Variants in REN observed in about 807,000 individuals in gnomAD.
REN encodes renin.
REN carries 42 observed loss-of-function variants against 48.6 expected under a neutral mutation model. The observed-to-expected ratio is 0.86, with a 90% CI of 0.68 to 1.12. The LOEUF is 1.12. Among genes scored for constraint, REN ranks in the 50% most tolerant of loss-of-function variants. REN has a pLI of 0.00. For synonymous variants in REN, 196 were observed against 204.6 expected, an observed-to-expected ratio of 0.96 and a Z score of 0.36; for missense variants, 443 against 527.3, an observed-to-expected ratio of 0.84 and a Z score of 1.57.
chr1:204,161,411 TG>T lies in REN; in HGVS notation c.253del (p.Gln85SerfsTer86). On this transcript the variant is annotated frameshift_variant, in exon 3 of 10. Transcript: ENST00000272190. LOFTEE classifies it high-confidence loss of function. Reference sequence around the variant, plus strand: ...GCCGATGCCAATCTCGCCATAGTACTGGGTCTGTGGGGGTAAAAAGAGAGGG... The same window carrying T: ...GCCGATGCCAATCTCGCCATAGTACTGGTCTGTGGGGGTAAAAAGAGAGGG... ...SVILTNYMDT[Q>X]YYGEIGIGTP... 6.4e-7 allele frequency: 1 copy of T among 1,557,874 alleles called. No homozygotes were observed. Among genetic ancestry groups the T allele is most frequent in the Non-Finnish European group, 8.7e-7 (1 of 1,148,628 alleles).
chr1:204,155,707 C>A lies in REN; in HGVS notation c.1059+113G>T, dbSNP rs1658134361. 3 of 874,178 alleles carry A rather than the reference C, an allele frequency of 3.4e-6. No individual in the cohort carries two copies. The East Asian group carries it at 7.9e-5, about 23-fold the overall frequency. The allele number at this position is 874,178 out of a possible 1,614,324, so 54.2% of individuals were successfully genotyped here. ...AAAGCTCTCCAGGTGACATGCACAG[C>A]CAAGTTTGAGAACTACAGTTCTAAC... On this transcript the variant is annotated intron_variant, in intron 9 of 9. Transcript: ENST00000272190.
chr1:204,155,460 T>C (rs990628661), intron 9 of REN, among the ~76,000 whole-genome samples: 1 of 152,230 alleles, frequency 6.6e-6, no homozygotes, highest in Non-Finnish European at 1.5e-5. Context: ...AGACAAGTTA[T>C]TCAACTTCTC....
intron 9 of REN, 138 bp from the exon 10 acceptor site, chr1:204,155,315 C>G (rs994616922): frequency 1.1e-6 from 1 of 951,536 alleles, no homozygotes; most frequent in Non-Finnish European, 1.6e-6. Context: ...GGGCCTCCCT[C>G]ACATCATGGC....
Position 204,156,374 on chromosome 1 carries a change from G to A in REN, c.819-55C>T. ...CAGACAGACAGACAGAAGGCTGATG[G>A]GGCACCTCCAGGCTGCATGTCCTTC... On this transcript the variant is annotated intron_variant, in intron 7 of 9. Coordinates refer to ENST00000272190, the MANE Select transcript of REN (RefSeq NM_000537.4). This position sits in a 1 kb window ranked among gnomAD's most constrained non-coding sequence, Gnocchi z 4.2. 1 of 1,412,442 alleles carries A rather than the reference G, an allele frequency of 7.1e-7. No homozygotes were observed. The allele number at this position is 1,412,442 out of a possible 1,614,324, so 87.5% of individuals were successfully genotyped here.
intron 1 of REN, among the ~76,000 whole-genome samples, chr1:204,164,565 CTTTTTTTTTTTTTT>C (rs748060874): frequency 1.1e-5 from 1 of 93,714 alleles, no homozygotes; most frequent in Non-Finnish European, 1.9e-5. Flanking sequence ...CTTCTTCAGT[CTTTTTTTTTTTTTT>C]TTTTTTTTTT....
chr1:204,161,290 A>G lies in REN; in HGVS notation c.373+2T>C. 1 of 1,600,516 alleles carries G rather than the reference A, an allele frequency of 6.2e-7. No homozygotes were observed. On this transcript the variant is annotated splice_donor_variant, in intron 3 of 9. Coordinates refer to ENST00000272190, the MANE Select transcript of REN (RefSeq NM_000537.4). LOFTEE classifies it high-confidence loss of function. ...AGAGGCACTGTGGGTCTTAGGTCTC[A>G]CCACAGGCAGTGTAGAGACGGCTGC...
Position 204,159,474 on chromosome 1 carries a change from C to T in REN, c.614G>A (p.Arg205Lys), listed in dbSNP as rs1156882578. ...GMGFIEQAIG[R>K]VTPIFDNIIS... Reference sequence around the variant, plus strand: ...GATGTTGTCGAAGATAGGGGTGACCCTGCCAATGGCCTGTTCAATGAAGCC... The same window carrying T: ...GATGTTGTCGAAGATAGGGGTGACCTTGCCAATGGCCTGTTCAATGAAGCC... Residue 205 changes from arginine (R) to lysine (K), a missense_variant, in exon 5 of 10, where the codon AGG (arginine) becomes AAG (lysine). Physicochemically the swap from Arg to Lys is conservative, Grantham distance 26 (BLOSUM62 2). Transcript: ENST00000272190. The T allele has an allele frequency of 6.2e-7, 1 of 1,614,148 alleles. No homozygotes were observed. The highest frequency in any genetic ancestry group is 8.5e-7 in the Non-Finnish European group (1 of 1,180,032).
rs752391620 is a variant in REN at position 204,162,087 on chromosome 1, C to T, written c.175G>A (p.Glu59Lys). Residue 59 changes from glutamate (E) to lysine (K), a missense_variant, in exon 2 of 10, where the codon GAG (glutamate) becomes AAG (lysine). Glu to Lys is a moderately conservative substitution (Grantham distance 56). Transcript: ENST00000272190. ...RGVDMARLGP[E>K]WSQPMKRLTL... ...AGCCTCTTCATGGGTTGGCTCCACTCGGGACCAAGCCTGGCCATGTCCACA... is the reference window on the plus strand; with the variant it reads ...AGCCTCTTCATGGGTTGGCTCCACTTGGGACCAAGCCTGGCCATGTCCACA... 34 of 1,613,938 alleles carry T rather than the reference C, an allele frequency of 2.1e-5. No individual in the cohort carries two copies. The highest frequency in any genetic ancestry group is 1.8e-4 in the East Asian group (8 of 44,870).
chr1:204,164,414 C>T (rs1658302425), intron 1 of REN, among the ~76,000 whole-genome samples: 1 of 152,118 alleles, frequency 6.6e-6, no homozygotes, highest in South Asian at 2.1e-4. Context: ...CCTGTGACAC[C>T]CTAAGCATTT....
At chr1:204,160,088 A>G (rs1658216125) in intron 4 of REN, among the ~76,000 whole-genome samples, 1 of 152,184 alleles carries the variant, frequency 6.6e-6, no homozygotes, top group Admixed American at 6.5e-5. Context: ...AGGGCCTGAG[A>G]AACTCCAGGA....
At chr1:204,161,935 G>A in intron 2 of REN, 78 bp downstream of exon 2, 1 of 1,542,324 alleles carries the variant, frequency 6.5e-7, no homozygotes, top group Non-Finnish European at 8.9e-7. Context: ...GAAAGGGTGA[G>A]TCTTGCAGCA....
chr1:204,165,513 A>G (rs942561018), intron 1 of REN, among the ~76,000 whole-genome samples: 3 of 152,140 alleles, frequency 2.0e-5, no homozygotes, highest in African/African-American at 7.2e-5. Context: ...AATGAAGGCA[A>G]TCTAACTCTA....
At position 204,156,044 on chromosome 1, in the gene REN, A is replaced by G. The variant is rs1235806751; in HGVS notation, c.961-126T>C. 3.4e-6 allele frequency: 5 copies of G among 1,478,960 alleles called. No homozygotes were observed. The highest frequency in any genetic ancestry group is 4.7e-6 in the Non-Finnish European group (5 of 1,060,210). 91.6% of individuals were successfully genotyped at this position (1,478,960 alleles called of 1,614,324 possible). On this transcript the variant is annotated intron_variant, in intron 8 of 9. Transcript: ENST00000272190. The surrounding 1 kb of genome is among the most constrained non-coding windows in gnomAD (Gnocchi z 4.2). Reference sequence around the variant, plus strand: ...GGGACAGTGCCCCGCCCCATGGGTGACCAGCCACATGTGTGGAGAGTGTGA... The same window carrying G: ...GGGACAGTGCCCCGCCCCATGGGTGGCCAGCCACATGTGTGGAGAGTGTGA...
intron 9 of REN, 66 bp downstream of exon 9, chr1:204,155,754 G>A: frequency 8.4e-7 from 1 of 1,186,024 alleles, no homozygotes; most frequent in South Asian, 1.3e-5. Flanking sequence ...ATTGTAATCT[G>A]TCACTCTTTG....
chr1:204,157,058 G>A (rs562005430), intron 6 of REN, among the ~76,000 whole-genome samples: 7 of 152,316 alleles, frequency 4.6e-5, no homozygotes, highest in African/African-American at 1.7e-4. Flanking sequence ...TCCCCAGAGA[G>A]GTCACAGAAA....
rs753697775 is a variant in REN at position 204,157,203 on chromosome 1, G to A, written c.698+158C>T. Among the ~76,000 whole-genome samples, 14 of 152,288 alleles carry A rather than the reference G, an allele frequency of 9.2e-5. No homozygotes were observed. In the East Asian group the frequency reaches 2.7e-3, roughly 29 times the overall value. On this transcript the variant is annotated intron_variant, in intron 6 of 9. Coordinates refer to ENST00000272190, the MANE Select transcript of REN (RefSeq NM_000537.4). ...GCTATTGGGTATGGGGTGGGCAGGTGGCATGGAGAGAGCAGGAAGGAGAGA... is the reference window on the plus strand; with the variant it reads ...GCTATTGGGTATGGGGTGGGCAGGTAGCATGGAGAGAGCAGGAAGGAGAGA...
Position 204,159,604 on chromosome 1 carries a change from G to A in REN, c.493-9C>T, listed in dbSNP as rs1220942052. The A allele has an allele frequency of 6.2e-7, 1 of 1,614,086 alleles. No individual in the cohort carries two copies. The highest frequency in any genetic ancestry group is 8.5e-7 in the Non-Finnish European group (1 of 1,179,922). ...ACCGTGATTCCACCCACCTGTGGGAGGAAGGACCAGAGGAGACCAAGCCCA... is the reference window on the plus strand; with the variant it reads ...ACCGTGATTCCACCCACCTGTGGGAAGAAGGACCAGAGGAGACCAAGCCCA... On this transcript the variant is annotated splice_polypyrimidine_tract_variant and intron_variant, in intron 4 of 9. Transcript: ENST00000272190.
rs562424845 is a variant in REN at position 204,160,180 on chromosome 1, C to G, written c.492+380G>C. On this transcript the variant is annotated intron_variant, in intron 4 of 9. Transcript: ENST00000272190. ...TCCCAGAGTCAACCTCAACTGTGAC[C>G]TTAAAACCTATGCCTGACCCTAAAA... Among the ~76,000 whole-genome samples the G allele has an allele frequency of 6.6e-5, 10 of 152,300 alleles. No individual in the cohort carries two copies. In the East Asian group the frequency reaches 1.2e-3, roughly 18 times the overall value.
chr1:204,158,375 C>T (rs1300544431), intron 5 of REN, among the ~76,000 whole-genome samples: 1 of 147,072 alleles, frequency 6.8e-6, no homozygotes, highest in Non-Finnish European at 1.5e-5. Context: ...CTCCTCTATT[C>T]TTTTTGCCAC....
Sources: allele counts gnomAD v4.1 joint callset (sites outside exome capture counted in the v4.1 genomes callset), GRCh38; gene constraint gnomAD v4.1.1; non-coding constraint Gnocchi (gnomAD v3.1); transcripts MANE v1.5; gene names NCBI Gene and HGNC (gene_info 2026-07-23, HGNC 2026-07-21).